The following AGRN variants were observed in gnomAD, a reference collection of about 807,000 sequenced individuals.
AGRN encodes the protein agrin proteoglycan.
AGRN carries 106 observed loss-of-function variants against 211.0 expected under a neutral mutation model. The ratio of observed to expected loss-of-function variants is 0.50; its 90% CI spans 0.43 to 0.59. The LOEUF (loss-of-function observed/expected upper bound fraction) is 0.59. Among genes scored for constraint, AGRN ranks in the 20% least tolerant of loss-of-function variants. The pLI is 0.00. For missense variants in AGRN, 3,040 were observed against 2,982.6 expected (o/e 1.02, Z -0.45); for synonymous variants, 1,525 against 1,332.5 (o/e 1.14, Z -3.15).
In AGRN at chr1:1,024,282, A is replaced by G. The variant is rs370435690; in HGVS notation, c.463+1820A>G. On this transcript the variant is annotated intron_variant, in intron 2 of 35. Coordinates refer to ENST00000379370, the MANE Select transcript of AGRN (RefSeq NM_198576.4). ...AGCCAGTCTGGCTGGAGAAGGGACAATTCTGTGTGCCCACCCCTCCCCTCA... is the reference window on the plus strand; with the variant it reads ...AGCCAGTCTGGCTGGAGAAGGGACAGTTCTGTGTGCCCACCCCTCCCCTCA... Among the ~76,000 whole-genome samples, 26 of 152,110 alleles carry G rather than the reference A, an allele frequency of 1.7e-4. No homozygotes were observed. The East Asian group carries it at 2.5e-3, about 15-fold the overall frequency.
Position 1,046,107 on chromosome 1 carries a change from G to C in AGRN, c.2805+19G>C. 1 of 1,614,012 alleles carries C rather than the reference G, an allele frequency of 6.2e-7. No individual in the cohort carries two copies. On this transcript the variant is annotated intron_variant, in intron 16 of 35. Transcript: ENST00000379370. ...TACCAAGGTGAGGGGTGTGGGATGT[G>C]AAGGGGAGTGGGGAGGAGGCCTCGC...
At position 1,054,561 on chromosome 1, in the gene AGRN, T is replaced by G. The variant is rs769740954; in HGVS notation, c.5980+10T>G. ...GGAGCCCTGTGGCTTGGTGAGTGTT[T>G]TGGGGAGACTAGAGAGGGATGCCCA... is the stretch of plus-strand genomic sequence containing the variant. On this transcript the variant is annotated intron_variant, in intron 35 of 35. Transcript: ENST00000379370. 4 of 1,579,716 alleles carry G rather than the reference T, an allele frequency of 2.5e-6. No individual in the cohort carries two copies. Among genetic ancestry groups the G allele is most frequent in the Non-Finnish European group, 3.4e-6 (4 of 1,164,116 alleles).
At chr1:1,037,279 C>T (rs777364240) in intron 3 of AGRN, among the ~76,000 whole-genome samples, 10 of 152,206 alleles carry the variant, frequency 6.6e-5, no homozygotes, top group East Asian at 1.9e-4. Context: ...TCCTCAGCCT[C>T]GTTTCCTGAC....
Position 1,053,794 on chromosome 1 carries a change from G to T in AGRN, c.5693G>T (p.Arg1898Leu). Reference protein sequence around the residue: ...LQSNHFELSLRTEATQGLVLW... With the variant: ...LQSNHFELSLLTEATQGLVLW... ...AGCAACCACTTTGAACTGAGCCTGCGCACTGAGGCCACGCAGGGGCTGGTG... is the reference window on the plus strand; with the variant it reads ...AGCAACCACTTTGAACTGAGCCTGCTCACTGAGGCCACGCAGGGGCTGGTG... The change falls in exon 34 of 36, where the codon CGC becomes CTC. Residue 1898 changes from arginine (R) to leucine (L), a missense_variant. By Grantham distance (102) the Arg-to-Leu change is moderately radical (BLOSUM62 -2). Transcript: ENST00000379370. 6.2e-7 allele frequency: 1 copy of T among 1,610,634 alleles called. No individual in the cohort carries two copies. Among genetic ancestry groups the T allele is most frequent in the Non-Finnish European group, 8.5e-7 (1 of 1,179,116 alleles).
In AGRN at chr1:1,035,331, A is replaced by T. The variant is rs1171331862; in HGVS notation, c.511+7A>T. 6.2e-7 allele frequency: 1 copy of T among 1,613,032 alleles called. No individual in the cohort carries two copies. The highest frequency in any genetic ancestry group is 8.5e-7 in the Non-Finnish European group (1 of 1,179,974). On this transcript the variant is annotated splice_region_variant and intron_variant, in intron 3 of 35. Coordinates refer to ENST00000379370, the MANE Select transcript of AGRN (RefSeq NM_198576.4). ...CCTCCGACGCCTCCTGATGGTGAGTAGGGCTGAGTTCGGGGGACCTGGATG... is the reference window on the plus strand; with the variant it reads ...CCTCCGACGCCTCCTGATGGTGAGTTGGGCTGAGTTCGGGGGACCTGGATG...
At chr1:1,050,679 G>A (rs372056077) in intron 29 of AGRN, 47 bp from the exon 30 acceptor site, 43 of 1,601,190 alleles carry the variant, frequency 2.7e-5, no homozygotes, top group East Asian at 2.2e-4. Context: ...GGGTGGTCGC[G>A]TGGCCGGTGG....
intron 7 of AGRN, among the ~76,000 whole-genome samples, chr1:1,042,429 C>T (rs371752347): frequency 1.3e-5 from 2 of 152,142 alleles, no homozygotes; most frequent in Non-Finnish European, 2.9e-5. Flanking sequence ...CTGGCCTGTC[C>T]GCATGTCTCC....
chr1:1,034,983 G>A (rs993952956), intron 2 of AGRN: 4 of 547,454 alleles, frequency 7.3e-6, no homozygotes, highest in African/African-American at 1.9e-5. Context: ...CAGGACCTGC[G>A]GTGGACTCTT....
intron 2 of AGRN, among the ~76,000 whole-genome samples, chr1:1,025,961 C>T (rs1644512818): frequency 6.6e-6 from 1 of 152,136 alleles, no homozygotes; most frequent in Admixed American, 6.5e-5. Context: ...TTGACTTCTC[C>T]TGGGCTTGCC....
In AGRN at chr1:1,047,242, T is replaced by C. The variant is rs193067131; in HGVS notation, c.3389-85T>C. The C allele has an allele frequency of 3.5e-4, 530 of 1,525,826 alleles. 2 individuals are homozygous for C. In the African/African-American group the frequency reaches 6.4e-3, roughly 18 times the overall value. The allele number at this position is 1,525,826 out of a possible 1,614,324, so 94.5% of individuals were successfully genotyped here. ...TAACATCCACCTTCCCTTGCACCCT[T>C]GTGGCTTGCTGCTGGGGCCTGTGCC... On this transcript the variant is annotated intron_variant, in intron 19 of 35. Coordinates refer to ENST00000379370, the MANE Select transcript of AGRN (RefSeq NM_198576.4).
rs1412665148 is a variant in AGRN at position 1,040,717 on chromosome 1, G to T, written c.564G>T (p.Glu188Asp). ...GCGCCGTGTGCGAGCCCAACGCGGA[G>T]GGGCCGGGCCGGGCGTCCTGCGTCT... ...GFGAVCEPNAEGPGRASCVCK... is the reference protein window; with the variant it reads ...GFGAVCEPNADGPGRASCVCK... Residue 188 changes from glutamate (E) to aspartate (D), a missense_variant, in exon 4 of 36, where the codon GAG becomes GAT. Physicochemically the swap from Glu to Asp is conservative, Grantham distance 45. This residue lies in a region of AGRN where 1,498 missense variants were observed against 1,457.8 expected (regional missense o/e 1.03). Coordinates refer to ENST00000379370, the MANE Select transcript of AGRN (RefSeq NM_198576.4). 4 of 1,547,178 alleles carry T rather than the reference G, an allele frequency of 2.6e-6. No homozygotes were observed. In the East Asian group the frequency reaches 9.8e-5, roughly 38 times the overall value.
In AGRN at chr1:1,050,085, G is replaced by A. The variant is rs200384052; in HGVS notation, c.4879+48G>A. 2,123 of 1,541,870 alleles carry A rather than the reference G, an allele frequency of 1.4e-3. 8 individuals are homozygous for A. Among genetic ancestry groups the A allele is most frequent in the Non-Finnish European group, 1.7e-3 (1,974 of 1,139,816 alleles). Reference sequence around the variant, plus strand: ...GGCAGGGGGGGGGGGGGGGTTGAACGTTTGGGCGGGTACAGGTTCCAGGTA... The same window carrying A: ...GGCAGGGGGGGGGGGGGGGTTGAACATTTGGGCGGGTACAGGTTCCAGGTA... On this transcript the variant is annotated intron_variant, in intron 27 of 35. Transcript: ENST00000379370.
intron 2 of AGRN, among the ~76,000 whole-genome samples, chr1:1,026,426 G>C (rs1303375906): frequency 6.6e-6 from 1 of 152,192 alleles, no homozygotes; most frequent in African/African-American, 2.4e-5. Flanking sequence ...GGGGGTGCCC[G>C]TGCCTCGGGG....
chr1:1,027,151 C>G (rs529124900), intron 2 of AGRN, among the ~76,000 whole-genome samples: 1 of 152,258 alleles, frequency 6.6e-6, no homozygotes, highest in Non-Finnish European at 1.5e-5. Flanking sequence ...GCAGTCCCCC[C>G]ACGGAGCAGA....
At chr1:1,034,503 C>A (rs901914325) in intron 2 of AGRN, 4 of 985,786 alleles carry the variant, frequency 4.1e-6, no homozygotes, top group Non-Finnish European at 4.8e-6. Context: ...AAGGGCACCC[C>A]GTGAGGAGCC....
intron 3 of AGRN, among the ~76,000 whole-genome samples, chr1:1,039,412 G>GGT (rs1553174279): frequency 6.0e-4 from 2 of 3,318 alleles, no homozygotes; most frequent in African/African-American, 7.6e-4. Flanking sequence ...CCTTGGAGAT[G>GGT]GGGGGGGTTC....
intron 3 of AGRN, among the ~76,000 whole-genome samples, chr1:1,037,101 C>T (rs1644820491): frequency 6.6e-6 from 1 of 152,156 alleles, no homozygotes; most frequent in Non-Finnish European, 1.5e-5. Flanking sequence ...CCTGAACCCT[C>T]CCAGTGGGCT....
At position 1,051,835 on chromosome 1, in the gene AGRN, T is replaced by C. The variant is rs1645302429; in HGVS notation, c.5651+20T>C. The C allele has an allele frequency of 6.2e-7, 1 of 1,613,024 alleles. No homozygotes were observed. Among genetic ancestry groups the C allele is most frequent in the South Asian group, 1.1e-5 (1 of 91,044 alleles). On this transcript the variant is annotated intron_variant, in intron 33 of 35. Transcript: ENST00000379370. ...CGAGAGGTAACGTGCCATCCTCTGC[T>C]GGCTGTCGGTTCCATCTGTGCCCTC... is the stretch of plus-strand genomic sequence containing the variant.
At position 1,052,094 on chromosome 1, in the gene AGRN, C is replaced by G. The variant is rs1490048665; in HGVS notation, c.5651+279C>G. 8 of 1,417,578 alleles carry G rather than the reference C, an allele frequency of 5.6e-6. No individual in the cohort carries two copies. The East Asian group carries it at 2.7e-4, about 47-fold the overall frequency. The allele number at this position is 1,417,578 out of a possible 1,614,324, so 87.8% of individuals were successfully genotyped here. ...TCCTGGTGGGGAGCAGAGTCCGGAG[C>G]CCCCGGGGAACTTTCCATCCCTTGT... is the stretch of plus-strand genomic sequence containing the variant. On this transcript the variant is annotated intron_variant, in intron 33 of 35. Coordinates refer to ENST00000379370, the MANE Select transcript of AGRN (RefSeq NM_198576.4).
Sources: gnomAD v4.1 joint callset for allele counts (sites outside exome capture counted in the v4.1 genomes callset) on GRCh38, gnomAD v4.1.1 for gene constraint, gnomAD v4.1.1 regional missense constraint, MANE v1.5 for transcripts, NCBI Gene and HGNC (gene_info 2026-07-23, HGNC 2026-07-21) for gene names.